The following NRP1 variants were observed in gnomAD, a reference collection of about 807,000 sequenced individuals.
The protein encoded by NRP1 is neuropilin 1.
Under a neutral mutation model 106.7 loss-of-function variants are expected in NRP1, and 35 were observed. The ratio of observed to expected loss-of-function variants is 0.33; its 90% confidence interval spans 0.25 to 0.43. The LOEUF is 0.43. Ranked by LOEUF, NRP1 falls within the 20% of genes least tolerant of loss-of-function variation. The pLI is 1.00. For synonymous variants in NRP1, 437 were observed against 417.9 expected (o/e 1.05, Z -0.56); for missense variants, 1,024 against 1,170.4 (o/e 0.87, Z 1.83).
intron 2 of NRP1, among the ~76,000 whole-genome samples, chr10:33,286,799 GC>G (rs939368396): frequency 6.6e-6 from 1 of 151,312 alleles, no homozygotes; most frequent in African/African-American, 2.4e-5. Context: ...TTTTCTCTCC[GC>G]CCCCCCACCC....
At chr10:33,238,180 T>C (rs1840728631) in intron 6 of NRP1, among the ~76,000 whole-genome samples, 1 of 152,188 alleles carries the variant, frequency 6.6e-6, no homozygotes, top group Non-Finnish European at 1.5e-5. Context: ...CCTGCATGAG[T>C]CAGCGAGACT....
intron 2 of NRP1, among the ~76,000 whole-genome samples, chr10:33,274,507 T>C (rs564852091): frequency 2.0e-5 from 3 of 152,216 alleles, no homozygotes; most frequent in Non-Finnish European, 2.9e-5. Flanking sequence ...GTGAGAAATG[T>C]ATTCAGTCAC....
chr10:33,286,427 C>T (rs1844548917), intron 2 of NRP1, among the ~76,000 whole-genome samples: 1 of 152,056 alleles, frequency 6.6e-6, no homozygotes, highest in African/African-American at 2.4e-5. Context: ...CTACATCTGC[C>T]CTTCCTGCTA....
chr10:33,277,672 T>C (rs976584553), intron 2 of NRP1, among the ~76,000 whole-genome samples: 3 of 152,228 alleles, frequency 2.0e-5, no homozygotes, highest in African/African-American at 7.2e-5. Flanking sequence ...CAAATTTCTA[T>C]GAAAGTCATT....
chr10:33,334,567 T>C lies in NRP1; in HGVS notation c.-185A>G, dbSNP rs933271099. On this transcript the variant is annotated 5_prime_UTR_variant, in exon 1 of 17. Transcript: ENST00000374867. ...TGGATCCGAGAGGAACGCTTCTCTT[T>C]TTGTGTCTCAAGTCGCCTGCATCCT... 2 of 527,362 alleles carry C rather than the reference T, an allele frequency of 3.8e-6. No individual in the cohort carries two copies. Among genetic ancestry groups the C allele is most frequent in the African/African-American group, 4.1e-5 (2 of 49,352 alleles). The allele number at this position is 527,362 out of a possible 1,614,324, so 32.7% of individuals were successfully genotyped here.
chr10:33,280,344 A>G (rs1211379388), intron 2 of NRP1, among the ~76,000 whole-genome samples: 1 of 152,232 alleles, frequency 6.6e-6, no homozygotes, highest in Admixed American at 6.5e-5. Flanking sequence ...GAAGTGATGG[A>G]ATCTTCTAGT....
intron 2 of NRP1, 109 bp from the exon 3 acceptor site, chr10:33,270,965 AG>A: frequency 1.1e-6 from 1 of 934,036 alleles, no homozygotes; most frequent in South Asian, 2.1e-5. Context: ...AAGAAAAAAA[AG>A]TTCTATCTGC....
chr10:33,200,790 A>G (rs1177280948), intron 11 of NRP1, among the ~76,000 whole-genome samples: 1 of 152,234 alleles, frequency 6.6e-6, no homozygotes, highest in African/African-American at 2.4e-5. Flanking sequence ...ATGTGAGCAC[A>G]TCCATTTTCA....
chr10:33,249,912 TG>T (rs1286223064), intron 6 of NRP1, among the ~76,000 whole-genome samples: 1 of 152,036 alleles, frequency 6.6e-6, no homozygotes, highest in East Asian at 1.9e-4. Context: ...TTTTTTTTAA[TG>T]CCACTCAGTA....
Position 33,179,540 on chromosome 10 carries a change from G to C in NRP1, c.*536C>G, listed in dbSNP as rs1403978813. The C allele has an allele frequency of 6.4e-6, 1 of 157,160 alleles. No individual in the cohort carries two copies. The highest frequency in any genetic ancestry group is 1.4e-5 in the Non-Finnish European group (1 of 70,924). The allele number at this position is 157,160 out of a possible 1,614,324, so 9.7% of individuals were successfully genotyped here. ...AGCTGACACACTACACCAGTACTGA[G>C]GCTACAGTACTTTAAAAAGAAAACA... On this transcript the variant is annotated 3_prime_UTR_variant, in exon 17 of 17. Coordinates refer to ENST00000374867, the MANE Select transcript of NRP1 (RefSeq NM_003873.7).
intron 2 of NRP1, among the ~76,000 whole-genome samples, chr10:33,319,941 G>A (rs952021957): frequency 1.3e-5 from 2 of 151,712 alleles, no homozygotes; most frequent in Non-Finnish European, 2.9e-5. Context: ...CCCCAGTTCC[G>A]TTCTTGGTCA....
At chr10:33,226,993 C>T (rs1188635397) in intron 6 of NRP1, among the ~76,000 whole-genome samples, 1 of 152,182 alleles carries the variant, frequency 6.6e-6, no homozygotes, top group Non-Finnish European at 1.5e-5. Context: ...AGCCACTGCT[C>T]ACTCATATTT....
At chr10:33,237,776 G>A (rs1840697818) in intron 6 of NRP1, among the ~76,000 whole-genome samples, 2 of 151,836 alleles carry the variant, frequency 1.3e-5, no homozygotes, top group Non-Finnish European at 2.9e-5. Context: ...TGGCCAGGCA[G>A]TTCTCCTGAC....
chr10:33,278,863 T>C (rs1843904511), intron 2 of NRP1, among the ~76,000 whole-genome samples: 1 of 152,214 alleles, frequency 6.6e-6, no homozygotes, highest in Admixed American at 6.5e-5. Flanking sequence ...ATAATTTTAT[T>C]GTCACTAAGA....
chr10:33,290,646 G>A (rs1460065448), intron 2 of NRP1, among the ~76,000 whole-genome samples: 1 of 151,992 alleles, frequency 6.6e-6, no homozygotes, highest in Non-Finnish European at 1.5e-5. Flanking sequence ...AATTAGTTTC[G>A]TATCAGTCAA....
intron 2 of NRP1, among the ~76,000 whole-genome samples, chr10:33,284,713 G>T (rs982289395): frequency 2.0e-5 from 3 of 152,092 alleles, no homozygotes; most frequent in African/African-American, 7.2e-5. Context: ...TTAGGGAAAT[G>T]CTGCAAATAA....
chr10:33,255,618 A>G (rs1842144437), intron 5 of NRP1, among the ~76,000 whole-genome samples: 1 of 152,126 alleles, frequency 6.6e-6, no homozygotes, highest in African/African-American at 2.4e-5. Context: ...TGCCCAGCTA[A>G]CTTTTCAATT....
chr10:33,198,443 G>A (rs1480062356), intron 11 of NRP1, among the ~76,000 whole-genome samples: 1 of 151,952 alleles, frequency 6.6e-6, no homozygotes, highest in Non-Finnish European at 1.5e-5. Flanking sequence ...TGCCCAGCCT[G>A]CAATTTTCAA....
intron 11 of NRP1, chr10:33,202,585 TAATGA>T: frequency 2.3e-6 from 2 of 872,628 alleles, no homozygotes; most frequent in Non-Finnish European, 1.5e-6. Context: ...GGTCTGAAAA[TAATGA>T]AAATAAGGAT....
Sources: allele counts gnomAD v4.1 joint callset (sites outside exome capture counted in the v4.1 genomes callset), GRCh38; gene constraint gnomAD v4.1.1; transcripts MANE v1.5; gene names NCBI Gene and HGNC (gene_info 2026-07-23, HGNC 2026-07-21).